NRXN1: variants seen among roughly 807,000 people sequenced by gnomAD.
NRXN1 encodes the protein neurexin 1, also known as neurexin-1.
NRXN1 carries 39 observed loss-of-function variants against 150.9 expected under a neutral mutation model. That is an observed-to-expected ratio of 0.26 (90% CI 0.20 to 0.34). The LOEUF is 0.34. Among genes scored for constraint, NRXN1 ranks in the 10% least tolerant of loss-of-function variants. The pLI, the probability that NRXN1 is intolerant of heterozygous loss-of-function variation, is 1.00. For missense variants in NRXN1, 1,815 were observed against 1,949.9 expected (o/e 0.93, Z 1.30); for synonymous variants, 924 against 757.0 (o/e 1.22, Z -3.62).
intron 5 of NRXN1, among the ~76,000 whole-genome samples, chr2:50,905,597 T>G (rs1683556614): frequency 6.6e-6 from 1 of 152,094 alleles, no homozygotes; most frequent in Non-Finnish European, 1.5e-5. Flanking sequence ...TGTTCCAATA[T>G]TTCTAATGAC....
At chr2:50,263,193 C>CAT (rs1553339823) in intron 17 of NRXN1, among the ~76,000 whole-genome samples, 2 of 138,618 alleles carry the variant, frequency 1.4e-5, no homozygotes, top group South Asian at 4.6e-4. Context: ...CACACACACA[C>CAT]ATACACAAAC....
intron 17 of NRXN1, among the ~76,000 whole-genome samples, chr2:50,295,030 G>C (rs564246123): frequency 1.3e-5 from 2 of 152,142 alleles, no homozygotes; most frequent in African/African-American, 4.8e-5. Flanking sequence ...TTAACTATTG[G>C]AAACACTCTG....
chr2:50,678,854 C>T (rs993377612), intron 5 of NRXN1, among the ~76,000 whole-genome samples: 55 of 151,894 alleles, frequency 3.6e-4, no homozygotes, highest in Non-Finnish European at 1.5e-5. Flanking sequence ...CAAATTAGAA[C>T]CCATAAGTTA....
intron 19 of NRXN1, among the ~76,000 whole-genome samples, chr2:50,065,168 C>T (rs557239160): frequency 6.6e-6 from 1 of 152,226 alleles, no homozygotes; most frequent in East Asian, 1.9e-4. Flanking sequence ...ATGTTTTATG[C>T]ATTGTGTTAC....
intron 5 of NRXN1, among the ~76,000 whole-genome samples, chr2:50,640,211 G>GT (rs1313696459): frequency 1.3e-5 from 2 of 152,108 alleles, no homozygotes; most frequent in African/African-American, 4.8e-5. Context: ...GGCACTGGGA[G>GT]TTTTAGAAGC....
chr2:50,279,382 T>C (rs1047905317), intron 17 of NRXN1, among the ~76,000 whole-genome samples: 2 of 152,172 alleles, frequency 1.3e-5, no homozygotes, highest in African/African-American at 2.4e-5. Flanking sequence ...GAATTTCACA[T>C]AACATGCTAG....
chr2:50,483,618 C>G (rs1342531879), intron 15 of NRXN1, among the ~76,000 whole-genome samples: 1 of 152,134 alleles, frequency 6.6e-6, no homozygotes, highest in Non-Finnish European at 1.5e-5. Flanking sequence ...GACAGATGAA[C>G]AAACTACCCT....
At chr2:50,615,206 T>C (rs1245404617) in intron 8 of NRXN1, 1 of 152,204 alleles carries the variant, frequency 6.6e-6, no homozygotes, top group Non-Finnish European at 1.5e-5. Context: ...ACTCATTTTT[T>C]TTCTCTCTCT....
intron 15 of NRXN1, among the ~76,000 whole-genome samples, chr2:50,493,186 C>T (rs557015455): frequency 2.6e-5 from 4 of 152,272 alleles, no homozygotes; most frequent in South Asian, 4.1e-4. Context: ...CAGCTCAGTG[C>T]TACATGATTA....
At chr2:50,619,023 C>T (rs889439200) in intron 8 of NRXN1, 2 of 152,020 alleles carry the variant, frequency 1.3e-5, no homozygotes, top group Admixed American at 1.3e-4. Flanking sequence ...ACAAATCAAC[C>T]AGTATGTTCA....
At chr2:50,193,306 T>C (rs1247652409) in intron 18 of NRXN1, among the ~76,000 whole-genome samples, 1 of 152,222 alleles carries the variant, frequency 6.6e-6, no homozygotes, top group African/African-American at 2.4e-5. Context: ...TCTAAATGTA[T>C]CAAATTCAGC....
chr2:50,805,027 T>A (rs748224240), intron 5 of NRXN1, among the ~76,000 whole-genome samples: 13 of 152,182 alleles, frequency 8.5e-5, no homozygotes, highest in Non-Finnish European at 1.8e-4. Context: ...TCTTTGTGCC[T>A]CAGTTTCATC....
intron 18 of NRXN1, among the ~76,000 whole-genome samples, chr2:50,230,668 T>A (rs564772844): frequency 6.6e-6 from 1 of 152,092 alleles, no homozygotes; most frequent in Non-Finnish European, 1.5e-5. Context: ...CAATAGAATT[T>A]CAGATGAGGA....
At chr2:50,047,793 A>T (rs3861559) in intron 21 of NRXN1, among the ~76,000 whole-genome samples, 91,641 of 151,750 alleles carry the variant, frequency 0.6, 28,029 homozygotes, top group Middle Eastern at 0.67. Flanking sequence ...CAACTAGAAC[A>T]TAAGTTCGGT....
At chr2:50,039,625 G>C (rs1008754942) in intron 21 of NRXN1, among the ~76,000 whole-genome samples, 8 of 152,124 alleles carry the variant, frequency 5.3e-5, no homozygotes, top group East Asian at 3.9e-4. Flanking sequence ...AACCTGACAA[G>C]CAGTCCAGAC....
chr2:50,683,978 G>A (rs1690856809), intron 5 of NRXN1, among the ~76,000 whole-genome samples: 1 of 151,876 alleles, frequency 6.6e-6, no homozygotes, highest in African/African-American at 2.4e-5. Context: ...AATGGTATGA[G>A]ATAGTTAGTA....
intron 17 of NRXN1, among the ~76,000 whole-genome samples, chr2:50,300,684 G>T (rs1387858822): frequency 1.3e-5 from 2 of 152,088 alleles, no homozygotes; most frequent in Non-Finnish European, 2.9e-5. Context: ...TTCCCTATGA[G>T]AATGGCCATC....
At chr2:50,568,103 A>G (rs1670140791) in intron 8 of NRXN1, among the ~76,000 whole-genome samples, 1 of 152,126 alleles carries the variant, frequency 6.6e-6, no homozygotes, top group South Asian at 2.1e-4. Context: ...TATTATAGAA[A>G]CAAACCAAGC....
chr2:50,347,868 G>A lies in NRXN1; in HGVS notation c.3365-110898C>T, dbSNP rs1278964318. Reference sequence around the variant, plus strand: ...AATGCAGAGGACGAGCCTATGTAACGAGGGAGGCTGGTCTAGCTTCCCACG... The same window carrying A: ...AATGCAGAGGACGAGCCTATGTAACAAGGGAGGCTGGTCTAGCTTCCCACG... On this transcript the variant is annotated intron_variant, in intron 17 of 22. Transcript: ENST00000401669. This position sits in a 1 kb window ranked among gnomAD's most constrained non-coding sequence, Gnocchi z 4.9. 3 of 984,430 alleles carry A rather than the reference G, an allele frequency of 3.0e-6. No homozygotes were observed. Among genetic ancestry groups the A allele is most frequent in the African/African-American group, 1.7e-5 (1 of 57,204 alleles). The allele number at this position is 984,430 out of a possible 1,614,324, so 61.0% of individuals were successfully genotyped here. A position where few individuals can be genotyped will look rare whatever the true frequency, so the allele number is the denominator to read the frequency against.
Sources: gnomAD v4.1 joint callset for allele counts (sites outside exome capture counted in the v4.1 genomes callset) on GRCh38, gnomAD v4.1.1 for gene constraint, Gnocchi (gnomAD v3.1) non-coding constraint, MANE v1.5 for transcripts, NCBI Gene and HGNC (gene_info 2026-07-23, HGNC 2026-07-21) for gene names.